NUP42: variants seen among roughly 807,000 people sequenced by gnomAD.
The protein encoded by NUP42 is nucleoporin NUP42.
NUP42 carries 47 observed loss-of-function variants against 35.9 expected under a neutral mutation model. That is an observed-to-expected ratio of 1.31 (90% CI 1.04 to 1.67). The LOEUF is 1.67. Among genes scored for constraint, NUP42 ranks in the 40% most tolerant of loss-of-function variants. NUP42 has a pLI of 0.00. For synonymous variants in NUP42, 173 were observed against 173.3 expected, an observed-to-expected ratio of 1.00 and a Z score of 0.01; for missense variants, 514 against 492.2, an observed-to-expected ratio of 1.04 and a Z score of -0.42.
At chr7:23,193,409 A>C (rs1178973896) in intron 3 of NUP42, among the ~76,000 whole-genome samples, 1 of 152,142 alleles carries the variant, frequency 6.6e-6, no homozygotes, top group Non-Finnish European at 1.5e-5. Flanking sequence ...CCTGAGCTAG[A>C]CACAAAGGTT....
At chr7:23,197,797 G>A (rs889336638) in intron 5 of NUP42, among the ~76,000 whole-genome samples, 2 of 151,762 alleles carry the variant, frequency 1.3e-5, no homozygotes, top group Admixed American at 6.6e-5. Context: ...TTTATCATCT[G>A]CCTGTTAATG....
chr7:23,195,584 C>T, intron 3 of NUP42: 1 of 322,264 alleles, frequency 3.1e-6, no homozygotes, highest in Non-Finnish European at 5.6e-6. Context: ...AAATCTTTCT[C>T]CTGTGTTTGT....
intron 3 of NUP42, chr7:23,188,070 G>A (rs1402495828): frequency 1.4e-6 from 2 of 1,443,958 alleles, no homozygotes; most frequent in Admixed American, 2.6e-5. Flanking sequence ...TAGACCACCG[G>A]GCTTTCCCAA....
intron 5 of NUP42, chr7:23,197,387 G>A (rs946305973): frequency 1.2e-5 from 4 of 338,262 alleles, no homozygotes; most frequent in South Asian, 5.9e-5. Context: ...TGAGAGTAAT[G>A]TCTCCCTACA....
rs1786024464 is a variant in NUP42, at chr7:23,196,730, A to G, written c.573A>G (p.Glu191=). The change falls in exon 5 of 7, where the codon GAA becomes GAG. Residue 191 remains glutamate (E), a synonymous_variant. Coordinates refer to ENST00000258742, the MANE Select transcript of NUP42 (RefSeq NM_007342.3). ...LINQWRNRVN[E]LKSLNISTKV... is the part of the protein sequence containing the mutation. ...ATCAATGGAGGAACAGGGTAAATGA[A>G]CTGAAAAGTCTAAATATATCAACTA... 1 of 1,612,620 alleles carries G rather than the reference A, an allele frequency of 6.2e-7. No individual in the cohort carries two copies. The highest frequency in any genetic ancestry group is 1.3e-5 in the African/African-American group (1 of 74,892).
chr7:23,198,606 C>T (rs1179067339), intron 5 of NUP42, among the ~76,000 whole-genome samples: 1 of 152,104 alleles, frequency 6.6e-6, no homozygotes, highest in African/African-American at 2.4e-5. Flanking sequence ...ATACAAAGTT[C>T]CTTGAAAGTA....
rs193265563 is a variant in NUP42 at position 23,185,802 on chromosome 7, C to T, written c.350+504C>T. Among the ~76,000 whole-genome samples, 328 of 152,312 alleles carry T rather than the reference C, an allele frequency of 2.2e-3. 1 individual carries two copies. The highest frequency in any genetic ancestry group is 7.4e-3 in the African/African-American group (306 of 41,568). The stretch of plus-strand genomic sequence containing the variant: ...TTGCCCAGGCTAGAGTGCAGTGGTA[C>T]AATCTCGGCTCGCTGCAGCCTCCGC... On this transcript the variant is annotated intron_variant, in intron 2 of 6. Coordinates refer to ENST00000258742, the MANE Select transcript of NUP42 (RefSeq NM_007342.3).
chr7:23,197,420 C>G, intron 5 of NUP42: 1 of 257,942 alleles, frequency 3.9e-6, no homozygotes, highest in Non-Finnish European at 7.8e-6. Context: ...TTGACAGTCC[C>G]AACACCCCAC....
rs1361372605 is a variant in NUP42 at position 23,182,307 on chromosome 7, G to C, written c.121+101G>C. ...TTCCCGCTGCTGGTGACCCCAACGT[G>C]CCCGCGTCGCGGCCTTGCCGGCCCT... On this transcript the variant is annotated intron_variant, in intron 1 of 6. Coordinates refer to ENST00000258742, the MANE Select transcript of NUP42 (RefSeq NM_007342.3). 3 of 1,502,156 alleles carry C rather than the reference G, an allele frequency of 2.0e-6. No individual in the cohort carries two copies. The East Asian group carries it at 7.4e-5, about 37-fold the overall frequency. The allele number at this position is 1,502,156 out of a possible 1,614,324, so 93.1% of individuals were successfully genotyped here.
At chr7:23,188,314 G>A (rs1293535723) in intron 3 of NUP42, 52 of 1,171,512 alleles carry the variant, frequency 4.4e-5, no homozygotes, top group Non-Finnish European at 5.3e-5. Context: ...ATAGTGATGA[G>A]CAAGACAGAC....
chr7:23,182,540 G>A (rs1785445125), intron 1 of NUP42: 1 of 1,041,536 alleles, frequency 9.6e-7, no homozygotes, highest in East Asian at 7.1e-5. Context: ...TTTCGAGGGT[G>A]AGGCTAGCAG....
intron 5 of NUP42, among the ~76,000 whole-genome samples, chr7:23,198,848 A>T (rs1421827459): frequency 6.6e-6 from 1 of 152,218 alleles, no homozygotes; most frequent in Non-Finnish European, 1.5e-5. Flanking sequence ...GACACTGAAA[A>T]AAATTTAAAA....
chr7:23,199,639 C>A, intron 6 of NUP42, 97 bp downstream of exon 6: 1 of 1,020,926 alleles, frequency 9.8e-7, no homozygotes, highest in South Asian at 1.3e-5. Context: ...AAATTACCTT[C>A]GTAAATTCTA....
At chr7:23,200,144 T>G in intron 6 of NUP42, 24 bp from the exon 7 acceptor site, 1 of 1,459,776 alleles carries the variant, frequency 6.9e-7, no homozygotes, top group African/African-American at 1.4e-5. Flanking sequence ...TTGTTGTTTT[T>G]TTTGTTGTTG....
intron 1 of NUP42, among the ~76,000 whole-genome samples, chr7:23,183,754 TAAAAAAAA>T (rs571597955): frequency 4.9e-5 from 4 of 82,066 alleles, no homozygotes; most frequent in Non-Finnish European, 5.3e-5. Context: ...AAAAGCAATG[TAAAAAAAA>T]AAAAAAAAAA....
intron 3 of NUP42, among the ~76,000 whole-genome samples, chr7:23,192,123 A>T (rs556530927): frequency 1.3e-5 from 2 of 152,230 alleles, no homozygotes; most frequent in African/African-American, 4.8e-5. Context: ...TATGTATACA[A>T]TTGACCCTTG....
rs998418027 is a variant in NUP42, at chr7:23,199,466, T to C, written c.618T>C (p.Asp206=). Residue 206 remains aspartate (D), a synonymous_variant, in exon 6 of 7, where the codon GAT becomes GAC. Transcript: ENST00000258742. ...NISTKVALLS[D]VKDGVNQAAP... ...ACACTTTTTTTTTTCAGCTCTCTGA[T>C]GTAAAGGATGGAGTAAATCAAGCAG... The C allele has an allele frequency of 1.2e-6, 2 of 1,613,682 alleles. No homozygotes were observed. The highest frequency in any genetic ancestry group is 2.7e-5 in the African/African-American group (2 of 74,860).
chr7:23,199,609 C>G, intron 6 of NUP42, 67 bp downstream of exon 6: 1 of 1,316,032 alleles, frequency 7.6e-7, no homozygotes, highest in Non-Finnish European at 1.1e-6. Flanking sequence ...TTTCAAATTA[C>G]AAGCCTGAAT....
chr7:23,188,108 G>A (rs934154203), intron 3 of NUP42: 17 of 1,387,082 alleles, frequency 1.2e-5, no homozygotes, highest in African/African-American at 9.1e-5. Context: ...CTGGGCCTCC[G>A]TCCTTTTGAG....
Sources: allele counts gnomAD v4.1 joint callset (sites outside exome capture counted in the v4.1 genomes callset), GRCh38; gene constraint gnomAD v4.1.1; transcripts MANE v1.5; gene names NCBI Gene and HGNC (gene_info 2026-07-23, HGNC 2026-07-21).